Variants in ANK1 observed in about 807,000 individuals in gnomAD.
ANK1 encodes ankyrin 1.
ANK1 carries 51 observed loss-of-function variants against 210.4 expected under a neutral mutation model. The observed-to-expected ratio is 0.24, with a 90% CI of 0.19 to 0.31. The LOEUF (loss-of-function observed/expected upper bound fraction) is 0.31. Among genes scored for constraint, ANK1 ranks in the 10% least tolerant of loss-of-function variants. The pLI is 1.00. For missense variants in ANK1, 2,051 were observed against 2,504.4 expected, an observed-to-expected ratio of 0.82 and a Z score of 3.86; for synonymous variants, 967 against 1,025.9, an observed-to-expected ratio of 0.94 and a Z score of 1.10.
At chr8:41,783,617 GGAGACT>G (rs56656489) in intron 1 of ANK1, among the ~76,000 whole-genome samples, 46,507 of 151,686 alleles carry the variant, frequency 0.31, 8,220 homozygotes, top group East Asian at 0.68. Flanking sequence ...TCCTCTTAAT[GGAGACT>G]GACACTGCAT....
chr8:41,792,399 C>T (rs947799023), intron 1 of ANK1, among the ~76,000 whole-genome samples: 1 of 152,202 alleles, frequency 6.6e-6, no homozygotes. Flanking sequence ...CAGACCTTCC[C>T]GACATCAATT....
intron 1 of ANK1, among the ~76,000 whole-genome samples, chr8:41,769,543 T>C (rs930685683): frequency 6.6e-6 from 1 of 152,168 alleles, no homozygotes; most frequent in African/African-American, 2.4e-5. Context: ...GAGTAAATAA[T>C]ATATATAATA....
chr8:41,802,479 AGAG>A (rs1345123512), upstream of ANK1, among the ~76,000 whole-genome samples: 1 of 152,152 alleles, frequency 6.6e-6, no homozygotes, highest in Non-Finnish European at 1.5e-5. Context: ...AGTCTGTTGG[AGAG>A]GAGAACTCTC....
At chr8:41,748,930 G>A (rs909308434) in intron 2 of ANK1, among the ~76,000 whole-genome samples, 7 of 152,056 alleles carry the variant, frequency 4.6e-5, no homozygotes, top group African/African-American at 1.7e-4. Context: ...AGCTACTTGG[G>A]GGGCTGAGGC....
chr8:41,694,943 A>G lies in ANK1; in HGVS notation c.3116-140T>C, dbSNP rs1267600680. 1 of 1,080,222 alleles carries G rather than the reference A, an allele frequency of 9.3e-7. No individual in the cohort carries two copies. The highest frequency in any genetic ancestry group is 1.6e-5 in the African/African-American group (1 of 64,328). 66.9% of individuals were successfully genotyped at this position (1,080,222 alleles called of 1,614,324 possible). ...GCCGGGCGGCATAGTGGCCAGAAGAAGTGGCCAGAAGAAGTGCCCAGGCCC... is the reference window on the plus strand; with the variant it reads ...GCCGGGCGGCATAGTGGCCAGAAGAGGTGGCCAGAAGAAGTGCCCAGGCCC... On this transcript the variant is annotated intron_variant, in intron 27 of 42. Transcript: ENST00000289734. The surrounding 1 kb of genome is among the most constrained non-coding windows in gnomAD (Gnocchi z 5.7).
chr8:41,781,867 G>A (rs1845402012), intron 1 of ANK1, among the ~76,000 whole-genome samples: 1 of 152,178 alleles, frequency 6.6e-6, no homozygotes, highest in Admixed American at 6.5e-5. Flanking sequence ...GCTGGTACTA[G>A]GAGAGGGTGG....
chr8:41,749,183 C>T (rs188887441), intron 2 of ANK1, among the ~76,000 whole-genome samples: 2 of 152,106 alleles, frequency 1.3e-5, no homozygotes, highest in Admixed American at 6.5e-5. Flanking sequence ...AAACAGGGCA[C>T]GAATTTATTC....
intron 1 of ANK1, among the ~76,000 whole-genome samples, chr8:41,821,776 G>C (rs1334330531): frequency 6.6e-6 from 1 of 152,062 alleles, no homozygotes; most frequent in East Asian, 1.9e-4. Context: ...GGCCAGGCGC[G>C]GTGGCTTATG....
chr8:41,825,717 G>A (rs1805248457), intron 1 of ANK1, among the ~76,000 whole-genome samples: 1 of 152,194 alleles, frequency 6.6e-6, no homozygotes, highest in Non-Finnish European at 1.5e-5. Context: ...ATTCCCACAT[G>A]TTGTGGGAGG....
At chr8:41,751,547 G>A (rs1837700438) in intron 2 of ANK1, among the ~76,000 whole-genome samples, 1 of 152,162 alleles carries the variant, frequency 6.6e-6, no homozygotes. Flanking sequence ...CTATGTGGCT[G>A]CTCTAGCTGG....
intron 1 of ANK1, among the ~76,000 whole-genome samples, chr8:41,841,248 T>C (rs1186270608): frequency 1.1e-4 from 16 of 152,150 alleles, no homozygotes; most frequent in Admixed American, 1.0e-3. Context: ...TACTGGGAAC[T>C]TGGAGGACAT....
intron 1 of ANK1, among the ~76,000 whole-genome samples, chr8:41,831,618 C>A (rs1482510899): frequency 2.3e-4 from 31 of 133,760 alleles, no homozygotes; most frequent in Admixed American, 8.3e-5. Context: ...CATTGCACTC[C>A]AGTGCAGAGC....
intron 24 of ANK1, 90 bp downstream of exon 24, chr8:41,697,953 T>C (rs935012319): frequency 8.4e-7 from 1 of 1,193,570 alleles, no homozygotes; most frequent in African/African-American, 1.5e-5. Context: ...TAGTGCCTAT[T>C]GTGCTACGTA....
chr8:41,773,169 G>A (rs1428254004), intron 1 of ANK1, among the ~76,000 whole-genome samples: 1 of 152,114 alleles, frequency 6.6e-6, no homozygotes, highest in Non-Finnish European at 1.5e-5. Context: ...GGAGTGCCCA[G>A]TGGTCAATTA....
chr8:41,865,562 G>C (rs916751449), intron 1 of ANK1, among the ~76,000 whole-genome samples: 2 of 152,130 alleles, frequency 1.3e-5, no homozygotes, highest in Non-Finnish European at 2.9e-5. Flanking sequence ...AGATGGCCCT[G>C]TGGCACCTGA....
intron 38 of ANK1, 42 bp downstream of exon 38, chr8:41,672,312 A>G (rs1812663431): frequency 1.2e-6 from 2 of 1,604,158 alleles, no homozygotes; most frequent in Non-Finnish European, 1.7e-6. Flanking sequence ...CCAGGAGCCC[A>G]GAAGACAAAA....
chr8:41,816,422 A>T (rs1281656018), intron 1 of ANK1, among the ~76,000 whole-genome samples: 1 of 152,178 alleles, frequency 6.6e-6, no homozygotes, highest in African/African-American at 2.4e-5. Context: ...TGCCTGTTTT[A>T]ATTAAACAAA....
intron 30 of ANK1, 29 bp from the exon 31 acceptor site, chr8:41,692,905 C>A: frequency 6.2e-7 from 1 of 1,602,280 alleles, no homozygotes; most frequent in South Asian, 1.1e-5. Flanking sequence ...TATGTGTTCC[C>A]AAGTGCCCAA....
chr8:41,745,812 G>A (rs548672653), intron 2 of ANK1, among the ~76,000 whole-genome samples: 1 of 152,266 alleles, frequency 6.6e-6, no homozygotes, highest in South Asian at 2.1e-4. Flanking sequence ...CTGGGCTCAG[G>A]CGATCCTCCT....
Sources: gnomAD v4.1 joint callset for allele counts (sites outside exome capture counted in the v4.1 genomes callset) on GRCh38, gnomAD v4.1.1 for gene constraint, Gnocchi (gnomAD v3.1) non-coding constraint, MANE v1.5 for transcripts, NCBI Gene and HGNC (gene_info 2026-07-23, HGNC 2026-07-21) for gene names.